RBFOX1: variants seen among roughly 807,000 people sequenced by gnomAD.
RBFOX1 encodes RNA binding protein fox-1 homolog 1.
RBFOX1 carries 8 observed loss-of-function variants against 57.7 expected under a neutral mutation model. The ratio of observed to expected loss-of-function variants is 0.14; its 90% CI spans 0.08 to 0.25. The LOEUF is 0.25. Ranked by LOEUF, RBFOX1 falls within the 10% of genes least tolerant of loss-of-function variation. The pLI is 1.00. For missense variants in RBFOX1, 611 were observed against 548.5 expected, an observed-to-expected ratio of 1.11 and a Z score of -1.14; for synonymous variants, 326 against 222.4, an observed-to-expected ratio of 1.47 and a Z score of -4.15.
intron 4 of RBFOX1, among the ~76,000 whole-genome samples, chr16:7,064,063 C>G (rs1356275809): frequency 2.0e-5 from 3 of 151,658 alleles, no homozygotes; most frequent in African/African-American, 7.3e-5. Flanking sequence ...CCTCTAGTAA[C>G]TCAGAATGTG....
intron 4 of RBFOX1, among the ~76,000 whole-genome samples, chr16:5,939,059 A>G (rs1449736838): frequency 6.6e-6 from 1 of 151,300 alleles, no homozygotes; most frequent in Non-Finnish European, 1.5e-5. Context: ...ACTTGGACAC[A>G]GGGCAGGGAA....
intron 2 of RBFOX1, among the ~76,000 whole-genome samples, chr16:5,475,438 A>G (rs1379684357): frequency 6.6e-6 from 1 of 152,230 alleles, no homozygotes; most frequent in Non-Finnish European, 1.5e-5. Context: ...TCCAGATAGG[A>G]TGAGGAAATT....
intron 4 of RBFOX1, among the ~76,000 whole-genome samples, chr16:7,362,010 T>G (rs1201347493): frequency 1.3e-5 from 2 of 151,746 alleles, no homozygotes; most frequent in Non-Finnish European, 2.9e-5. Context: ...TGTATGATTA[T>G]GTATATATGT....
intron 2 of RBFOX1, among the ~76,000 whole-genome samples, chr16:6,394,197 A>G (rs1250225043): frequency 6.6e-6 from 1 of 152,310 alleles, no homozygotes; most frequent in African/African-American, 2.4e-5. Context: ...AGAAGTTGAC[A>G]TATTGTTTGA....
intron 2 of RBFOX1, among the ~76,000 whole-genome samples, chr16:6,630,100 C>G (rs928174299): frequency 1.3e-5 from 2 of 151,960 alleles, no homozygotes; most frequent in African/African-American, 4.8e-5. Flanking sequence ...CCTCCTTGGT[C>G]TAAGCTTCTG....
rs185141497 is a variant in RBFOX1 at position 7,055,191 on chromosome 16, T to C, written c.27+3093T>C. ...TCTCATAGCCTTTAATTTGCAAAAATGAAATACAAAGAGTTGGATATAATA... is the reference window on the plus strand; with the variant it reads ...TCTCATAGCCTTTAATTTGCAAAAACGAAATACAAAGAGTTGGATATAATA... On this transcript the variant is annotated intron_variant, in intron 4 of 15. Coordinates refer to ENST00000550418, the MANE Select transcript of RBFOX1 (RefSeq NM_018723.4). Among the ~76,000 whole-genome samples, 630 of 152,244 alleles carry C rather than the reference T, an allele frequency of 4.1e-3. 6 individuals carry two copies. Among genetic ancestry groups the C allele is most frequent in the African/African-American group, 0.015 (604 of 41,532 alleles).
At chr16:6,354,803 C>G (rs2086995835) in intron 2 of RBFOX1, among the ~76,000 whole-genome samples, 2 of 152,152 alleles carry the variant, frequency 1.3e-5, no homozygotes, top group East Asian at 1.9e-4. Flanking sequence ...ATTCATGGCA[C>G]TTACTAATAG....
intron 4 of RBFOX1, among the ~76,000 whole-genome samples, chr16:7,387,515 A>G (rs17671857): frequency 0.39 from 59,987 of 152,084 alleles, 12,684 homozygotes; most frequent in East Asian, 0.5. Flanking sequence ...TTTCTTATCA[A>G]AATTGCACAT....
chr16:5,608,762 C>G (rs1281534074), intron 3 of RBFOX1, among the ~76,000 whole-genome samples: 1 of 152,218 alleles, frequency 6.6e-6, no homozygotes, highest in Non-Finnish European at 1.5e-5. Context: ...ATCCCCTATC[C>G]TCTGAAGGTA....
intron 2 of RBFOX1, among the ~76,000 whole-genome samples, chr16:6,343,362 G>T (rs1046271431): frequency 6.6e-6 from 1 of 150,582 alleles, no homozygotes; most frequent in Non-Finnish European, 1.5e-5. Flanking sequence ...TGAATAGAGG[G>T]TCATTAGTAG....
intron 3 of RBFOX1, among the ~76,000 whole-genome samples, chr16:6,878,351 G>C (rs2062232125): frequency 6.6e-6 from 1 of 152,138 alleles, no homozygotes; most frequent in African/African-American, 2.4e-5. Flanking sequence ...TGATGCAAGA[G>C]TTTCTAGAAA....
At chr16:5,286,602 G>A (rs1396119753) in intron 1 of RBFOX1, among the ~76,000 whole-genome samples, 1 of 152,238 alleles carries the variant, frequency 6.6e-6, no homozygotes, top group Non-Finnish European at 1.5e-5. Flanking sequence ...TCCCTCAGTA[G>A]AACAGTCAGA....
intron 1 of RBFOX1, among the ~76,000 whole-genome samples, chr16:6,044,642 C>A (rs544634295): frequency 6.6e-6 from 1 of 152,284 alleles, no homozygotes; most frequent in East Asian, 1.9e-4. Flanking sequence ...TGGCTAGTAT[C>A]TTCAGGTGGC....
At chr16:5,484,584 C>T (rs553598585) in intron 2 of RBFOX1, among the ~76,000 whole-genome samples, 1 of 152,122 alleles carries the variant, frequency 6.6e-6, no homozygotes, top group African/African-American at 2.4e-5. Flanking sequence ...TCAAGGCCAG[C>T]CTAGGCAACA....
intron 1 of RBFOX1, among the ~76,000 whole-genome samples, chr16:5,367,464 G>C (rs1354079961): frequency 6.6e-6 from 1 of 152,182 alleles, no homozygotes; most frequent in African/African-American, 2.4e-5. Flanking sequence ...TGGCTGGAGG[G>C]GATGTGGGTT....
chr16:7,709,570 G>C, intron 15 of RBFOX1: 2 of 1,530,488 alleles, frequency 1.3e-6, no homozygotes, highest in Non-Finnish European at 1.8e-6. Flanking sequence ...TCAGGCAGCT[G>C]AGAATCTGAC....
intron 3 of RBFOX1, among the ~76,000 whole-genome samples, chr16:5,629,182 A>G (rs1471967356): frequency 1.3e-5 from 2 of 152,220 alleles, no homozygotes; most frequent in African/African-American, 2.4e-5. Context: ...AGCAACCTGA[A>G]TTCAACTCAC....
At chr16:7,618,356 C>T (rs1259336222) in intron 10 of RBFOX1, among the ~76,000 whole-genome samples, 2 of 151,916 alleles carry the variant, frequency 1.3e-5, no homozygotes, top group Non-Finnish European at 2.9e-5. Context: ...TGCGTGAAGC[C>T]CTGTGGTGCT....
chr16:5,363,845 A>T (rs1300090537), intron 1 of RBFOX1, among the ~76,000 whole-genome samples: 1 of 152,152 alleles, frequency 6.6e-6, no homozygotes, highest in African/African-American at 2.4e-5. Flanking sequence ...TCTAGAGTGC[A>T]TGGCTGTTCC....
Sources: gnomAD v4.1 joint callset for allele counts (sites outside exome capture counted in the v4.1 genomes callset) on GRCh38, gnomAD v4.1.1 for gene constraint, MANE v1.5 for transcripts, NCBI Gene and HGNC (gene_info 2026-07-23, HGNC 2026-07-21) for gene names.